Variants in EPB41L4A observed in about 807,000 individuals in gnomAD.
EPB41L4A encodes the protein erythrocyte membrane protein band 4.1 like 4A, also known as band 4.1-like protein 4A.
Under a neutral mutation model 108.6 loss-of-function variants are expected in EPB41L4A, and 100 were observed. The ratio of observed to expected loss-of-function variants is 0.92; its 90% CI spans 0.78 to 1.09. EPB41L4A has a LOEUF of 1.09. Among genes scored for constraint, EPB41L4A ranks in the 50% least tolerant of loss-of-function variants. The pLI is 0.00. For missense variants in EPB41L4A, 1,030 were observed against 842.7 expected, an observed-to-expected ratio of 1.22 and a Z score of -2.75; for synonymous variants, 319 against 289.0, an observed-to-expected ratio of 1.10 and a Z score of -1.05.
chr5:112,374,168 C>G (rs1172441549), intron 1 of EPB41L4A, among the ~76,000 whole-genome samples: 1 of 152,126 alleles, frequency 6.6e-6, no homozygotes, highest in Non-Finnish European at 1.5e-5. Context: ...TAACTCAGGT[C>G]CCCAACAAGA....
At chr5:112,306,519 T>C (rs1274528858) in intron 2 of EPB41L4A, among the ~76,000 whole-genome samples, 1 of 152,126 alleles carries the variant, frequency 6.6e-6, no homozygotes, top group Non-Finnish European at 1.5e-5. Flanking sequence ...CTTCACTGAA[T>C]GTACCACAAA....
chr5:112,345,051 A>C (rs1213258138), intron 1 of EPB41L4A, among the ~76,000 whole-genome samples: 1 of 152,206 alleles, frequency 6.6e-6, no homozygotes, highest in Non-Finnish European at 1.5e-5. Context: ...AATTCCTGAG[A>C]CACAAGGCAC....
chr5:112,369,870 T>A (rs1313053331), intron 1 of EPB41L4A, among the ~76,000 whole-genome samples: 2 of 152,222 alleles, frequency 1.3e-5, no homozygotes. Context: ...TTCACTCAGA[T>A]GAGCACTCCA....
At chr5:112,374,292 C>T (rs1417605724) in intron 1 of EPB41L4A, among the ~76,000 whole-genome samples, 2 of 152,148 alleles carry the variant, frequency 1.3e-5, no homozygotes, top group Non-Finnish European at 2.9e-5. Context: ...CAACAGTTTC[C>T]TGGATTAATC....
chr5:112,223,255 C>T (rs1345950489), intron 12 of EPB41L4A, among the ~76,000 whole-genome samples: 4 of 152,008 alleles, frequency 2.6e-5, no homozygotes, highest in Non-Finnish European at 5.9e-5. Flanking sequence ...TAGTTTCTTT[C>T]TTCTTTACCT....
chr5:112,305,720 T>C (rs116478503), intron 2 of EPB41L4A, among the ~76,000 whole-genome samples: 1,804 of 152,250 alleles, frequency 0.012, 43 homozygotes, highest in African/African-American at 0.04. Context: ...ATCATCTCTA[T>C]TTTAGCTGAG....
intron 9 of EPB41L4A, among the ~76,000 whole-genome samples, chr5:112,249,399 C>A (rs545967104): frequency 8.5e-5 from 13 of 152,282 alleles, no homozygotes; most frequent in African/African-American, 3.1e-4. Flanking sequence ...AGTAGTCAAA[C>A]TGAAATCTTT....
intron 1 of EPB41L4A, among the ~76,000 whole-genome samples, chr5:112,388,631 T>G (rs1045762337): frequency 6.6e-6 from 1 of 152,088 alleles, no homozygotes; most frequent in African/African-American, 2.4e-5. Flanking sequence ...AAGGCTGCCT[T>G]GACACAAGAC....
chr5:112,303,071 T>C (rs1754467190), intron 2 of EPB41L4A, among the ~76,000 whole-genome samples: 1 of 152,218 alleles, frequency 6.6e-6, no homozygotes, highest in Non-Finnish European at 1.5e-5. Context: ...ACATCTCACA[T>C]AGTAAGTTTC....
intron 1 of EPB41L4A, among the ~76,000 whole-genome samples, chr5:112,416,487 A>G (rs1762725263): frequency 6.6e-6 from 1 of 152,184 alleles, no homozygotes; most frequent in African/African-American, 2.4e-5. Context: ...AAATGTTAGG[A>G]AATGCTTTTG....
intron 4 of EPB41L4A, among the ~76,000 whole-genome samples, chr5:112,272,470 G>A (rs1409115333): frequency 1.3e-5 from 2 of 151,680 alleles, no homozygotes; most frequent in African/African-American, 4.8e-5. Context: ...AAACAACCTG[G>A]ATGGCCAAAG....
chr5:112,359,666 G>A (rs376832277), intron 1 of EPB41L4A, among the ~76,000 whole-genome samples: 4 of 151,632 alleles, frequency 2.6e-5, no homozygotes, highest in South Asian at 2.1e-4. Context: ...TCAGCCTCCC[G>A]AGTAGCTGGG....
At chr5:112,376,568 T>G (rs1759832123) in intron 1 of EPB41L4A, among the ~76,000 whole-genome samples, 1 of 152,208 alleles carries the variant, frequency 6.6e-6, no homozygotes. Context: ...TTTTTAAACA[T>G]AAAACCTGTA....
chr5:112,410,781 A>G (rs1762362450), intron 1 of EPB41L4A, among the ~76,000 whole-genome samples: 1 of 152,178 alleles, frequency 6.6e-6, no homozygotes, highest in African/African-American at 2.4e-5. Flanking sequence ...ACTCAAGGGA[A>G]GTCTGCTGGA....
At chr5:112,291,483 T>A (rs1287466083) in intron 2 of EPB41L4A, among the ~76,000 whole-genome samples, 2 of 152,218 alleles carry the variant, frequency 1.3e-5, no homozygotes, top group Non-Finnish European at 2.9e-5. Flanking sequence ...CTTGTTAGTC[T>A]TTTGTTGAAA....
At chr5:112,289,052 T>C (rs1753476828) in intron 2 of EPB41L4A, among the ~76,000 whole-genome samples, 1 of 152,162 alleles carries the variant, frequency 6.6e-6, no homozygotes, top group Non-Finnish European at 1.5e-5. Context: ...TTAAAACATG[T>C]CTTTAAATTA....
intron 2 of EPB41L4A, among the ~76,000 whole-genome samples, chr5:112,282,423 T>C (rs1753022722): frequency 6.6e-6 from 1 of 152,248 alleles, no homozygotes; most frequent in Admixed American, 6.5e-5. Flanking sequence ...AACACTTGCA[T>C]TCGGTTTCCA....
intron 17 of EPB41L4A, among the ~76,000 whole-genome samples, chr5:112,191,607 G>A (rs1021546043): frequency 6.6e-6 from 1 of 151,536 alleles, no homozygotes; most frequent in Non-Finnish European, 1.5e-5. Context: ...GGTTGACTTC[G>A]TGGAAAAAAG....
chr5:112,179,221 A>G (rs985174684), intron 18 of EPB41L4A, among the ~76,000 whole-genome samples: 1 of 152,120 alleles, frequency 6.6e-6, no homozygotes, highest in Non-Finnish European at 1.5e-5. Context: ...ACCTTCCACA[A>G]AGAACATTCC....
Sources: gnomAD v4.1 joint callset for allele counts (sites outside exome capture counted in the v4.1 genomes callset) on GRCh38, gnomAD v4.1.1 for gene constraint, MANE v1.5 for transcripts, NCBI Gene and HGNC (gene_info 2026-07-23, HGNC 2026-07-21) for gene names.